Variants in CRTC3 observed in about 807,000 individuals in gnomAD.
CRTC3 encodes the protein CREB regulated transcription coactivator 3.
Under a neutral mutation model 74.5 loss-of-function variants are expected in CRTC3, and 26 were observed. The ratio of observed to expected loss-of-function variants is 0.35; its 90% CI spans 0.26 to 0.48. The LOEUF (loss-of-function observed/expected upper bound fraction) is 0.48, where lower values mean the gene tolerates loss of function less well. Ranked by LOEUF, CRTC3 falls within the 20% of genes least tolerant of loss-of-function variation. The pLI, the probability that CRTC3 is intolerant of heterozygous loss-of-function variation, is 0.99. For missense variants in CRTC3, 760 were observed against 787.3 expected, an observed-to-expected ratio of 0.97 and a Z score of 0.41; for synonymous variants, 377 against 325.8, an observed-to-expected ratio of 1.16 and a Z score of -1.69.
intron 2 of CRTC3, among the ~76,000 whole-genome samples, chr15:90,586,406 G>A (rs993586940): frequency 1.1e-4 from 13 of 118,232 alleles, no homozygotes; most frequent in Non-Finnish European, 4.8e-5. Context: ...TCGCTTTGTC[G>A]TCCAGGCTGG....
intron 11 of CRTC3, chr15:90,634,924 T>C: frequency 6.3e-7 from 1 of 1,577,654 alleles, no homozygotes; most frequent in Non-Finnish European, 8.6e-7. Flanking sequence ...AGCGTGAAAG[T>C]TGGAGATAAA....
chr15:90,611,227 G>A (rs1968348910), intron 6 of CRTC3, among the ~76,000 whole-genome samples: 1 of 152,146 alleles, frequency 6.6e-6, no homozygotes, highest in African/African-American at 2.4e-5. Flanking sequence ...TCTTCCCCTT[G>A]CCTTCCCTTC....
chr15:90,550,374 C>T (rs1966852723), intron 2 of CRTC3, among the ~76,000 whole-genome samples: 1 of 150,644 alleles, frequency 6.6e-6, no homozygotes, highest in South Asian at 2.1e-4. Context: ...CGCACCATTG[C>T]ACTCCAGCCT....
In CRTC3 at chr15:90,638,781, A is replaced by G. The variant is rs759472836; in HGVS notation, c.1514A>G (p.Gln505Arg). The G allele has an allele frequency of 9.6e-5, 155 of 1,614,078 alleles. 1 individual carries two copies. The highest frequency in any genetic ancestry group is 2.0e-4 in the Admixed American group (12 of 60,002). Residue 505 changes from glutamine to arginine, a missense_variant, in exon 13 of 15, where the codon CAG becomes CGG. Physicochemically the swap from Gln to Arg is conservative, Grantham distance 43. Around this residue, in one of 2 missense-constraint regions of CRTC3, gnomAD observed 652 missense variants for 635.2 expected, o/e 1.03. Coordinates refer to ENST00000268184, the MANE Select transcript of CRTC3 (RefSeq NM_022769.5). ...NFFPDVGFDQ[Q>R]SMRPGPAFPQ... Reference sequence around the variant, plus strand: ...TTCCCAGATGTGGGTTTTGACCAGCAGTCCATGAGGCCAGGCCCTGCCTTT... The same window carrying G: ...TTCCCAGATGTGGGTTTTGACCAGCGGTCCATGAGGCCAGGCCCTGCCTTT...
chr15:90,533,927 A>C (rs977757828), intron 1 of CRTC3, among the ~76,000 whole-genome samples: 1 of 152,096 alleles, frequency 6.6e-6, no homozygotes, highest in African/African-American at 2.4e-5. Context: ...AGATTCAGTA[A>C]AAGAGGATGA....
At chr15:90,583,622 G>T (rs1028215927) in intron 2 of CRTC3, among the ~76,000 whole-genome samples, 3 of 152,216 alleles carry the variant, frequency 2.0e-5, no homozygotes, top group Non-Finnish European at 4.4e-5. Context: ...CAAAGATAGT[G>T]TAGTGCTGGC....
At position 90,627,988 on chromosome 15, in the gene CRTC3, C is replaced by T. The variant is rs181718576; in HGVS notation, c.968-1246C>T. ...ATCCCGGCACTTTGGGAGGCCGAGGCGAGTGGATCACGAGGTCAGGAGATC... is the reference window on the plus strand; with the variant it reads ...ATCCCGGCACTTTGGGAGGCCGAGGTGAGTGGATCACGAGGTCAGGAGATC... On this transcript the variant is annotated intron_variant, in intron 10 of 14. Coordinates refer to ENST00000268184, the MANE Select transcript of CRTC3 (RefSeq NM_022769.5). Among the ~76,000 whole-genome samples, 531 of 149,828 alleles carry T rather than the reference C, an allele frequency of 3.5e-3. 2 individuals are homozygous for T. Among genetic ancestry groups the T allele is most frequent in the East Asian group, 0.021 (100 of 4,876 alleles).
At chr15:90,556,159 A>G (rs1230389436) in intron 2 of CRTC3, among the ~76,000 whole-genome samples, 1 of 152,134 alleles carries the variant, frequency 6.6e-6, no homozygotes, top group East Asian at 1.9e-4. Flanking sequence ...TTTAATAGCT[A>G]AATAATATTT....
intron 7 of CRTC3, among the ~76,000 whole-genome samples, chr15:90,615,482 C>G (rs1375636419): frequency 6.6e-6 from 1 of 152,268 alleles, no homozygotes; most frequent in Non-Finnish European, 1.5e-5. Context: ...GCACAGCTCT[C>G]TGTCATCATC....
At chr15:90,556,958 C>A (rs1056872838) in intron 2 of CRTC3, among the ~76,000 whole-genome samples, 21 of 130,524 alleles carry the variant, frequency 1.6e-4, no homozygotes, top group African/African-American at 4.3e-4. Flanking sequence ...CACCACATGG[C>A]TATATATATA....
intron 9 of CRTC3, among the ~76,000 whole-genome samples, chr15:90,620,998 T>C (rs75305210): frequency 0.021 from 3,204 of 152,092 alleles, 121 homozygotes; most frequent in African/African-American, 0.073. Context: ...CGCCACGGGT[T>C]GATGTTTGCT....
rs377457647 is a variant in CRTC3 at position 90,627,143 on chromosome 15, C to T, written c.967+1150C>T. ...GAGAGTGGTCCCCTTCAGGGGGGGT[C>T]ACCTGGAAGTTTTTCTAATGATTGC... On this transcript the variant is annotated intron_variant, in intron 10 of 14. Transcript: ENST00000268184. Among the ~76,000 whole-genome samples the T allele has an allele frequency of 3.3e-5, 5 of 152,342 alleles. No individual in the cohort carries two copies. In the South Asian group the frequency reaches 1.0e-3, roughly 32 times the overall value.
chr15:90,631,596 C>G (rs1264769876), intron 11 of CRTC3, among the ~76,000 whole-genome samples: 1 of 151,894 alleles, frequency 6.6e-6, no homozygotes, highest in Non-Finnish European at 1.5e-5. Flanking sequence ...GGCATGGTGG[C>G]ACACGCCTGT....
At chr15:90,538,641 G>A (rs1236665889) in intron 1 of CRTC3, among the ~76,000 whole-genome samples, 2 of 139,964 alleles carry the variant, frequency 1.4e-5, no homozygotes. Flanking sequence ...GCTAGAAGAT[G>A]GATAGATGGG....
At position 90,599,775 on chromosome 15, in the gene CRTC3, A is replaced by G. The variant is rs78551237; in HGVS notation, c.352-2549A>G. On this transcript the variant is annotated intron_variant, in intron 3 of 14. Transcript: ENST00000268184. Reference sequence around the variant, plus strand: ...ACCAGCGTTTGATGATTACGTGACTATTACACCACTGCATTCTAATTTGTA... The same window carrying G: ...ACCAGCGTTTGATGATTACGTGACTGTTACACCACTGCATTCTAATTTGTA... 3.6e-3 allele frequency among the ~76,000 whole-genome samples: 545 copies of G among 152,342 alleles called. 4 individuals carry two copies. The highest frequency in any genetic ancestry group is 0.012 in the African/African-American group (512 of 41,578).
intron 10 of CRTC3, among the ~76,000 whole-genome samples, chr15:90,628,762 T>C (rs1248442581): frequency 2.6e-5 from 4 of 151,666 alleles, no homozygotes; most frequent in Non-Finnish European, 5.9e-5. Context: ...CTAAGGGTAA[T>C]TAAAGACCAC....
At chr15:90,602,260 C>A in intron 3 of CRTC3, 64 bp from the exon 4 acceptor site, 1 of 969,334 alleles carries the variant, frequency 1.0e-6, no homozygotes, top group South Asian at 1.4e-5. Flanking sequence ...CTCTGTGAGT[C>A]CACCTTGTTA....
intron 3 of CRTC3, chr15:90,595,099 G>A (rs763145404): frequency 3.9e-5 from 6 of 152,184 alleles, no homozygotes; most frequent in Non-Finnish European, 7.3e-5. Flanking sequence ...AAATGATCTT[G>A]AGAATCTATT....
chr15:90,595,107 A>G (rs1452749133), intron 3 of CRTC3: 3 of 152,222 alleles, frequency 2.0e-5, no homozygotes, highest in Non-Finnish European at 2.9e-5. Flanking sequence ...TTGAGAATCT[A>G]TTCTGGAATG....
Sources: gnomAD v4.1 joint callset for allele counts (sites outside exome capture counted in the v4.1 genomes callset) on GRCh38, gnomAD v4.1.1 for gene constraint, gnomAD v4.1.1 regional missense constraint, MANE v1.5 for transcripts, NCBI Gene and HGNC (gene_info 2026-07-23, HGNC 2026-07-21) for gene names.